ADCY8: variants seen among roughly 807,000 people sequenced by gnomAD.
The protein encoded by ADCY8 is adenylate cyclase type 8.
ADCY8 carries 51 observed loss-of-function variants against 119.7 expected under a neutral mutation model. The observed-to-expected ratio is 0.43, with a 90% CI of 0.34 to 0.54. The LOEUF (loss-of-function observed/expected upper bound fraction) is 0.54, where lower values mean the gene tolerates loss of function less well. ADCY8 is among the 20% of genes least tolerant of loss of function. The probability of loss-of-function intolerance (pLI) is 0.03; values close to 1 mark genes in which losing one functional copy is unlikely to be tolerated. For missense variants in ADCY8, 1,383 were observed against 1,598.8 expected (o/e 0.87, Z 2.30); for synonymous variants, 665 against 651.0 (o/e 1.02, Z -0.33).
At chr8:131,022,052 C>T (rs1823686504) in intron 1 of ADCY8, among the ~76,000 whole-genome samples, 1 of 152,098 alleles carries the variant, frequency 6.6e-6, no homozygotes, top group East Asian at 1.9e-4. Context: ...AAAATAAATG[C>T]TTGGTCTGCG....
chr8:130,849,049 A>C (rs1817426274), intron 10 of ADCY8, among the ~76,000 whole-genome samples: 1 of 152,144 alleles, frequency 6.6e-6, no homozygotes, highest in Admixed American at 6.5e-5. Context: ...AATGGCAGCT[A>C]TTTCATTTCC....
At chr8:130,970,315 A>G (rs959277328) in intron 2 of ADCY8, among the ~76,000 whole-genome samples, 1 of 152,176 alleles carries the variant, frequency 6.6e-6, no homozygotes, top group African/African-American at 2.4e-5. Flanking sequence ...GATCGGTGGC[A>G]GCATTAGATT....
chr8:130,850,825 T>C (rs537945276), intron 9 of ADCY8, among the ~76,000 whole-genome samples: 67 of 152,342 alleles, frequency 4.4e-4, no homozygotes, highest in Admixed American at 1.6e-3. Flanking sequence ...ACTTCTTATG[T>C]ATTATTAATA....
intron 8 of ADCY8, among the ~76,000 whole-genome samples, chr8:130,872,092 T>C (rs1818384511): frequency 6.6e-6 from 1 of 152,222 alleles, no homozygotes; most frequent in Admixed American, 6.5e-5. Context: ...AAATTACAAA[T>C]ACTTCTTCGG....
intron 1 of ADCY8, among the ~76,000 whole-genome samples, chr8:131,014,543 A>T (rs979088969): frequency 6.6e-6 from 1 of 152,176 alleles, no homozygotes; most frequent in African/African-American, 2.4e-5. Context: ...TTAAAGCAGG[A>T]TAATTGATAA....
rs1823602328 is a variant in ADCY8, at chr8:131,019,830, TC to T, written c.960+19543del. Among the ~76,000 whole-genome samples, 27 of 122,388 alleles carry T rather than the reference TC, an allele frequency of 2.2e-4. 2 individuals carry two copies. In the South Asian group the frequency reaches 8.3e-3, roughly 37 times the overall value. The allele number at this position is 122,388 out of a possible 152,430, so 80.3% of individuals were successfully genotyped here. ...CTCTCTCTCTCTCTCTCTCTCTCTC[TC>T]TCTCTCTGTCTGTCTCTCTCTCTCT... On this transcript the variant is annotated intron_variant, in intron 1 of 17. Transcript: ENST00000286355.
chr8:130,859,697 A>G (rs1817863193), intron 9 of ADCY8, among the ~76,000 whole-genome samples: 1 of 152,236 alleles, frequency 6.6e-6, no homozygotes. Context: ...TCTGTGCTGT[A>G]AAGTTTTATA....
chr8:130,906,605 T>C (rs1470966073), intron 6 of ADCY8, among the ~76,000 whole-genome samples: 3 of 152,150 alleles, frequency 2.0e-5, no homozygotes, highest in Non-Finnish European at 4.4e-5. Flanking sequence ...ACTTGAGCTT[T>C]GGGGTAAGAC....
chr8:130,936,073 ATGTGTGTGTGTG>A (rs35028784), intron 5 of ADCY8, among the ~76,000 whole-genome samples: 46 of 147,042 alleles, frequency 3.1e-4, no homozygotes, highest in East Asian at 1.2e-3. Context: ...AAGCACTGAC[ATGTGTGTGTGTG>A]TGTGTGTGTG....
intron 5 of ADCY8, among the ~76,000 whole-genome samples, chr8:130,933,189 C>T (rs1371128334): frequency 1.4e-5 from 2 of 146,406 alleles, no homozygotes; most frequent in East Asian, 2.0e-4. Context: ...AATTTGGGGA[C>T]ACCAGTAAAC....
At chr8:130,881,807 C>G (rs1818782654) in intron 8 of ADCY8, among the ~76,000 whole-genome samples, 1 of 151,726 alleles carries the variant, frequency 6.6e-6, no homozygotes, top group Admixed American at 6.6e-5. Context: ...CACCAGGTGG[C>G]AATATCAACC....
intron 5 of ADCY8, among the ~76,000 whole-genome samples, chr8:130,918,223 G>A (rs1042090752): frequency 1.8e-4 from 27 of 152,190 alleles, no homozygotes; most frequent in African/African-American, 6.5e-4. Context: ...TGGGAAGTCT[G>A]AGATTACGGT....
At chr8:131,005,877 T>C (rs1294899422) in intron 1 of ADCY8, among the ~76,000 whole-genome samples, 1 of 152,184 alleles carries the variant, frequency 6.6e-6, no homozygotes, top group African/African-American at 2.4e-5. Flanking sequence ...CTTAATCCCA[T>C]CTCAAAACTT....
chr8:130,883,004 G>A (rs1818837153), intron 8 of ADCY8, among the ~76,000 whole-genome samples: 1 of 152,182 alleles, frequency 6.6e-6, no homozygotes, highest in Non-Finnish European at 1.5e-5. Flanking sequence ...CAAGTCCCAT[G>A]TTTGTTCAGG....
In ADCY8 at chr8:130,836,014, C is replaced by T. The variant is rs56182902; in HGVS notation, c.2675+263G>A. Reference sequence around the variant, plus strand: ...TTGAAGCCACTAAATTTGAAGAAATCATAAGTGATCAGACTTGGAGGAGAC... The same window carrying T: ...TTGAAGCCACTAAATTTGAAGAAATTATAAGTGATCAGACTTGGAGGAGAC... On this transcript the variant is annotated intron_variant, in intron 12 of 17. Coordinates refer to ENST00000286355, the MANE Select transcript of ADCY8 (RefSeq NM_001115.3). Among the ~76,000 whole-genome samples, 904 of 152,182 alleles carry T rather than the reference C, an allele frequency of 5.9e-3. 4 individuals carry two copies. The highest frequency in any genetic ancestry group is 9.0e-3 in the Admixed American group (138 of 15,292).
At chr8:130,861,899 T>C (rs1023901080) in intron 9 of ADCY8, among the ~76,000 whole-genome samples, 13 of 152,162 alleles carry the variant, frequency 8.5e-5, no homozygotes, top group Admixed American at 4.6e-4. Context: ...GACGTTGAAG[T>C]TTATCCAATG....
chr8:130,816,767 A>G (rs1231162859), intron 13 of ADCY8, among the ~76,000 whole-genome samples: 1 of 152,164 alleles, frequency 6.6e-6, no homozygotes, highest in Non-Finnish European at 1.5e-5. Context: ...AAACCATTTT[A>G]CATTTTATAA....
In ADCY8 at chr8:130,951,974, G is replaced by A; in HGVS notation, c.1135C>T (p.Pro379Ser). 6.2e-7 allele frequency: 1 copy of A among 1,614,038 alleles called. No homozygotes were observed. Among genetic ancestry groups the A allele is most frequent in the Non-Finnish European group, 8.5e-7 (1 of 1,179,978 alleles). ...RQERLVLSVL[P>S]RFVVLEMIND... ...ATCATTTCCAGGACAACAAACCGGG[G>A]GAGCACAGAAAGCACGAGCCGCTCC... The change falls in exon 3 of 18, where the codon CCC becomes TCC. Residue 379 changes from proline to serine, a missense_variant. Physicochemically the swap from Pro to Ser is moderately conservative, Grantham distance 74. Transcript: ENST00000286355.
At chr8:130,828,092 C>T (rs1364130736) in intron 12 of ADCY8, among the ~76,000 whole-genome samples, 1 of 152,136 alleles carries the variant, frequency 6.6e-6, no homozygotes, top group East Asian at 1.9e-4. Context: ...TATCCAAAGG[C>T]TTCTGAACTG....
Sources: allele counts gnomAD v4.1 joint callset (sites outside exome capture counted in the v4.1 genomes callset), GRCh38; gene constraint gnomAD v4.1.1; transcripts MANE v1.5; gene names NCBI Gene and HGNC (gene_info 2026-07-23, HGNC 2026-07-21).